The following ZNF722 variants were observed in gnomAD, a reference collection of about 807,000 sequenced individuals.
ZNF722 encodes the protein zinc finger protein 722.
chr7:64,005,971 T>G, the ZNF722 span, among the ~76,000 whole-genome samples: 1 of 152,300 alleles, frequency 6.6e-6, no homozygotes, highest in Admixed American at 6.5e-5. Context: ...TCCAAAAATG[T>G]CATGGCATAA....
chr7:64,017,542 T>C, the ZNF722 span, among the ~76,000 whole-genome samples: 8 of 152,218 alleles, frequency 5.3e-5, no homozygotes, highest in Non-Finnish European at 1.2e-4. Flanking sequence ...TTGTATGCAT[T>C]TTATGTTAAA....
the ZNF722 span, among the ~76,000 whole-genome samples, chr7:64,012,458 G>C: frequency 1.3e-5 from 2 of 152,044 alleles, no homozygotes; most frequent in African/African-American, 4.8e-5. Context: ...ATGGGGTTTT[G>C]GTGTGGTTGT....
the ZNF722 span, chr7:64,015,509 A>G: frequency 6.2e-7 from 1 of 1,613,022 alleles, no homozygotes. Flanking sequence ...AATGTGGCAA[A>G]GCCTTTAGGT....
the ZNF722 span, chr7:64,005,756 A>G: frequency 2.6e-6 from 4 of 1,513,352 alleles, no homozygotes; most frequent in Non-Finnish European, 3.6e-6. Context: ...AAACTTCAAT[A>G]CACAATTCCT....
At chr7:64,012,772 T>C in the ZNF722 span, among the ~76,000 whole-genome samples, 1 of 152,026 alleles carries the variant, frequency 6.6e-6, no homozygotes, top group African/African-American at 2.4e-5. Context: ...AAATCCCATA[T>C]TGAAATGTAA....
chr7:64,016,369 C>T, the ZNF722 span, among the ~76,000 whole-genome samples: 3 of 151,952 alleles, frequency 2.0e-5, no homozygotes, highest in Non-Finnish European at 4.4e-5. Flanking sequence ...AACTCCTAAC[C>T]TCAGGTGATC....
chr7:64,011,070 C>CTT, the ZNF722 span, among the ~76,000 whole-genome samples: 438 of 149,812 alleles, frequency 2.9e-3, 2 homozygotes, highest in African/African-American at 8.7e-3. Flanking sequence ...GCAACCCCTG[C>CTT]TTTTTTTTTG....
the ZNF722 span, chr7:64,006,199 T>G: frequency 1.7e-6 from 2 of 1,143,566 alleles, no homozygotes; most frequent in Non-Finnish European, 2.4e-6. Context: ...AAGATTTATC[T>G]TACTTTTTTT....
At chr7:64,009,306 T>C in the ZNF722 span, among the ~76,000 whole-genome samples, 6 of 152,180 alleles carry the variant, frequency 3.9e-5, no homozygotes, top group African/African-American at 1.4e-4. Context: ...TGAGAGGGCA[T>C]CCCTGTCTTG....
At chr7:64,008,675 T>C in the ZNF722 span, among the ~76,000 whole-genome samples, 3 of 152,106 alleles carry the variant, frequency 2.0e-5, no homozygotes, top group South Asian at 2.1e-4. Flanking sequence ...AGTCAGGTAG[T>C]GTGATGCCTC....
the ZNF722 span, among the ~76,000 whole-genome samples, chr7:64,007,230 GTATATATATATATA>G: frequency 7.2e-6 from 1 of 138,512 alleles, no homozygotes; most frequent in African/African-American, 2.9e-5. Flanking sequence ...GTTTGTGTGT[GTATATATATATATA>G]TATATATATA....
chr7:64,014,299 G>A, the ZNF722 span, among the ~76,000 whole-genome samples: 2 of 151,762 alleles, frequency 1.3e-5, no homozygotes, highest in South Asian at 4.2e-4. Context: ...GCAAAATACG[G>A]ATTATCTTAA....
the ZNF722 span, chr7:63,999,140 T>G: frequency 4.0e-6 from 4 of 1,004,570 alleles, no homozygotes; most frequent in African/African-American, 1.6e-5. Flanking sequence ...AGCTCGGCTT[T>G]TAGTCCCCTC....
the ZNF722 span, chr7:63,998,892 G>A: frequency 6.7e-7 from 1 of 1,495,594 alleles, no homozygotes; most frequent in Admixed American, 1.8e-5. Context: ...CTTTTCTTCA[G>A]GGCTCTGCAT....
chr7:64,006,802 T>G, the ZNF722 span, among the ~76,000 whole-genome samples: 9 of 146,512 alleles, frequency 6.1e-5, no homozygotes, highest in African/African-American at 2.3e-4. Flanking sequence ...TTTTACAAAT[T>G]TTTTTCATTT....
the ZNF722 span, chr7:63,998,952 T>C: frequency 2.5e-6 from 4 of 1,575,832 alleles, no homozygotes; most frequent in South Asian, 1.1e-5. Flanking sequence ...CTGCAGGTAT[T>C]CGCAGATTTA....
chr7:64,004,425 A>AAAAATATATATATATATATAT, the ZNF722 span, among the ~76,000 whole-genome samples: 6 of 61,112 alleles, frequency 9.8e-5, no homozygotes, highest in African/African-American at 4.8e-4. Flanking sequence ...AAAAAAAAAA[A>AAAAATATATATATATATATAT]ATATATATAT....
At chr7:64,015,544 A>G in the ZNF722 span, 1 of 1,613,582 alleles carries the variant, frequency 6.2e-7, no homozygotes, top group South Asian at 1.1e-5. Flanking sequence ...ACTAGACATA[A>G]GAGAATTCAT....
At chr7:64,009,098 T>C in the ZNF722 span, among the ~76,000 whole-genome samples, 8 of 151,084 alleles carry the variant, frequency 5.3e-5, no homozygotes, top group African/African-American at 1.7e-4. Context: ...TGGTTTTGTA[T>C]CTTGAGACTT....
Sources: gnomAD v4.1 joint callset for allele counts (sites outside exome capture counted in the v4.1 genomes callset) on GRCh38, gnomAD v4.1.1 for gene constraint, MANE v1.5 for transcripts, NCBI Gene and HGNC (gene_info 2026-07-23, HGNC 2026-07-21) for gene names.